The following DPT variants were observed in gnomAD, a reference collection of about 807,000 sequenced individuals.
DPT encodes tyrosine-rich acidic matrix protein.
In DPT, 21 loss-of-function variants were observed where a neutral mutation model predicts 31.2. That is an observed-to-expected ratio of 0.67 (90% CI 0.48 to 0.97). DPT has a LOEUF of 0.97. Among genes scored for constraint, DPT ranks in the 50% least tolerant of loss-of-function variants. The probability of loss-of-function intolerance (pLI) is 0.00; values close to 1 mark genes in which losing one functional copy is unlikely to be tolerated. For missense variants in DPT, 262 were observed against 258.8 expected, an observed-to-expected ratio of 1.01 and a Z score of -0.08; for synonymous variants, 91 against 86.9, an observed-to-expected ratio of 1.05 and a Z score of -0.26.
intron 3 of DPT, among the ~76,000 whole-genome samples, chr1:168,700,389 C>T (rs531146575): frequency 5.9e-5 from 9 of 152,220 alleles, no homozygotes; most frequent in East Asian, 1.9e-4. Flanking sequence ...TTCTATTGTT[C>T]GTAAGTTACC....
chr1:168,704,594 G>GGT (rs377468804), intron 2 of DPT, among the ~76,000 whole-genome samples: 20,032 of 150,770 alleles, frequency 0.13, 1,554 homozygotes, highest in African/African-American at 0.22. Context: ...GTGTGTGTGG[G>GGT]GTGTGTGTGT....
At chr1:168,719,833 T>C (rs1230836679) in intron 1 of DPT, among the ~76,000 whole-genome samples, 1 of 151,938 alleles carries the variant, frequency 6.6e-6, no homozygotes, top group Non-Finnish European at 1.5e-5. Context: ...AGGCTGAGGT[T>C]CAATTTCAGT....
intron 1 of DPT, among the ~76,000 whole-genome samples, chr1:168,723,404 A>G (rs534069766): frequency 6.6e-6 from 1 of 152,238 alleles, no homozygotes; most frequent in Non-Finnish European, 1.5e-5. Context: ...TATGTTATTC[A>G]TCTCCATCTT....
intron 3 of DPT, among the ~76,000 whole-genome samples, chr1:168,697,581 G>T (rs74122744): frequency 8.5e-5 from 13 of 152,150 alleles, no homozygotes; most frequent in African/African-American, 3.1e-4. Context: ...CTTTGCTCAG[G>T]GTGAATTTAT....
intron 3 of DPT, 47 bp from the exon 4 acceptor site, chr1:168,696,662 G>A (rs1236369032): frequency 6.4e-7 from 1 of 1,556,258 alleles, no homozygotes; most frequent in East Asian, 2.2e-5. Flanking sequence ...GAAAGGACAT[G>A]GCAGGAAGAA....
At chr1:168,722,036 G>A (rs1650126519) in intron 1 of DPT, among the ~76,000 whole-genome samples, 1 of 151,782 alleles carries the variant, frequency 6.6e-6, no homozygotes, top group Non-Finnish European at 1.5e-5. Flanking sequence ...AAATTCCTCA[G>A]GTTTTTTTGG....
At chr1:168,718,920 T>A (rs1312153384) in intron 1 of DPT, among the ~76,000 whole-genome samples, 3 of 152,224 alleles carry the variant, frequency 2.0e-5, no homozygotes, top group African/African-American at 7.2e-5. Context: ...GGTGGATTCA[T>A]AGGCCCTCCC....
At chr1:168,728,727 C>T in intron 1 of DPT, 143 bp downstream of exon 1, 2 of 1,031,110 alleles carry the variant, frequency 1.9e-6, no homozygotes, top group Non-Finnish European at 2.8e-6. Flanking sequence ...CCCTGCTCCA[C>T]CCAGAGCATG....
intron 1 of DPT, among the ~76,000 whole-genome samples, chr1:168,727,424 C>A (rs765078965): frequency 1.3e-5 from 2 of 152,140 alleles, no homozygotes; most frequent in Admixed American, 1.3e-4. Context: ...CTTAAAGGCC[C>A]GCTCTCTTTC....
Position 168,714,243 on chromosome 1 carries a change from T to C in DPT, c.409A>G (p.Lys137Glu). Reference protein sequence around the residue: ...EWQFYCCRYSKRCPYSCWLTT... With the variant: ...EWQFYCCRYSERCPYSCWLTT... ...CACCAGCAGGAATATGGGCACCTCT[T>C]GCTGTAGCGACAACAGTAAAACTGC... is the stretch of plus-strand genomic sequence containing the variant. The change falls in exon 2 of 4, where the codon AAG (lysine) becomes GAG (glutamate). Residue 137 changes from lysine (K) to glutamate (E), a missense_variant. Lys to Glu is a moderately conservative substitution (Grantham distance 56). Coordinates refer to ENST00000367817, the MANE Select transcript of DPT (RefSeq NM_001937.5). 6.2e-7 allele frequency: 1 copy of C among 1,614,092 alleles called. No homozygotes were observed. Among genetic ancestry groups the C allele is most frequent in the Non-Finnish European group, 8.5e-7 (1 of 1,179,998 alleles).
intron 1 of DPT, among the ~76,000 whole-genome samples, chr1:168,716,153 C>A (rs1310312400): frequency 3.3e-5 from 5 of 152,100 alleles, no homozygotes; most frequent in Non-Finnish European, 5.9e-5. Context: ...CAGAAATCAT[C>A]CGTCCTTTTA....
intron 2 of DPT, among the ~76,000 whole-genome samples, chr1:168,704,427 A>T (rs1340848036): frequency 6.6e-6 from 1 of 152,198 alleles, no homozygotes; most frequent in Admixed American, 6.5e-5. Flanking sequence ...CTATTACTTA[A>T]TTTTTAATAA....
rs1650243316 is a variant in DPT, at chr1:168,726,449, CAGGGG to C, written c.305+2416_305+2420del. Among the ~76,000 whole-genome samples the C allele has an allele frequency of 5.3e-5, 8 of 152,324 alleles. No homozygotes were observed. The South Asian group carries it at 1.7e-3, about 32-fold the overall frequency. On this transcript the variant is annotated intron_variant, in intron 1 of 3. Transcript: ENST00000367817. Reference sequence around the variant, plus strand: ...TGCAAGAAAAAGCCAAGAGTGTTTTCAGGGGTGAGCCACAGCTCTGTGGAGCCTTC... The same window carrying C: ...TGCAAGAAAAAGCCAAGAGTGTTTTCTGAGCCACAGCTCTGTGGAGCCTTC...
At chr1:168,701,170 AT>A in intron 2 of DPT, 46 bp from the exon 3 acceptor site, 1 of 1,415,700 alleles carries the variant, frequency 7.1e-7, no homozygotes. Context: ...ACACATTATT[AT>A]TGCTGGGAGC....
chr1:168,716,896 A>T (rs590875), intron 1 of DPT, among the ~76,000 whole-genome samples: 45,398 of 152,082 alleles, frequency 0.3, 7,152 homozygotes, highest in East Asian at 0.52. Flanking sequence ...ATTCATTTTT[A>T]TGGCTACATA....
chr1:168,696,477 G>T lies in DPT; in HGVS notation c.*72C>A, dbSNP rs1649467929. 2.3e-6 allele frequency: 3 copies of T among 1,326,996 alleles called. No homozygotes were observed. Among genetic ancestry groups the T allele is most frequent in the East Asian group, 2.3e-5 (1 of 42,738 alleles). 82.2% of individuals were successfully genotyped at this position (1,326,996 alleles called of 1,614,324 possible). On this transcript the variant is annotated 3_prime_UTR_variant, in exon 4 of 4. Coordinates refer to ENST00000367817, the MANE Select transcript of DPT (RefSeq NM_001937.5). ...AGAAACTTCTATAGGAGATCCAACT[G>T]ATGTTAACATATGTGGACACCCTCC...
rs549000690 is a variant in DPT, at chr1:168,725,334, C to T, written c.305+3536G>A. 2.0e-5 allele frequency among the ~76,000 whole-genome samples: 3 copies of T among 150,804 alleles called. No homozygotes were observed. The South Asian group carries it at 6.3e-4, about 32-fold the overall frequency. On this transcript the variant is annotated intron_variant, in intron 1 of 3. Transcript: ENST00000367817. ...CTCCCTCCCTCCCTTCCTTCTCTCTCTCTCTTTCTTTCTTTCTTCTCTTTC... is the reference window on the plus strand; with the variant it reads ...CTCCCTCCCTCCCTTCCTTCTCTCTTTCTCTTTCTTTCTTTCTTCTCTTTC...
At position 168,696,294 on chromosome 1, in the gene DPT, G is replaced by A; in HGVS notation, c.*255C>T. 1.8e-6 allele frequency: 1 copy of A among 565,092 alleles called. No individual in the cohort carries two copies. Among genetic ancestry groups the A allele is most frequent in the Non-Finnish European group, 3.1e-6 (1 of 321,992 alleles). 35.0% of individuals were successfully genotyped at this position (565,092 alleles called of 1,614,324 possible). ...GCGCACTGTATATGTGGTGTGCAAG[G>A]AAGCCATCATCAGTCATATAAAGCA... On this transcript the variant is annotated 3_prime_UTR_variant, in exon 4 of 4. Coordinates refer to ENST00000367817, the MANE Select transcript of DPT (RefSeq NM_001937.5).
intron 1 of DPT, among the ~76,000 whole-genome samples, chr1:168,718,596 T>C (rs917676087): frequency 1.3e-5 from 2 of 152,086 alleles, no homozygotes; most frequent in Non-Finnish European, 1.5e-5. Context: ...TTTCACACTG[T>C]GGGGAGCAGA....
Sources: allele counts gnomAD v4.1 joint callset (sites outside exome capture counted in the v4.1 genomes callset), GRCh38; gene constraint gnomAD v4.1.1; transcripts MANE v1.5; gene names NCBI Gene and HGNC (gene_info 2026-07-23, HGNC 2026-07-21).